RTN1: variants seen among roughly 807,000 people sequenced by gnomAD.
The protein encoded by RTN1 is reticulon-1.
Under a neutral mutation model 65.5 loss-of-function variants are expected in RTN1, and 25 were observed. That is an observed-to-expected ratio of 0.38 (90% CI 0.28 to 0.53). The LOEUF is 0.53. RTN1 is among the 20% of genes least tolerant of loss of function. The pLI is 0.79. For missense variants in RTN1, 983 were observed against 1,025.4 expected (o/e 0.96, Z 0.57); for synonymous variants, 471 against 447.6 (o/e 1.05, Z -0.66).
chr14:59,729,549 G>A (rs946537342), intron 2 of RTN1, among the ~76,000 whole-genome samples: 5 of 152,192 alleles, frequency 3.3e-5, no homozygotes, highest in Admixed American at 1.3e-4. Context: ...GGAAAAGTGT[G>A]AAAGTTTCAC....
At chr14:59,787,286 G>A (rs1886266615) in intron 1 of RTN1, among the ~76,000 whole-genome samples, 1 of 152,174 alleles carries the variant, frequency 6.6e-6, no homozygotes, top group South Asian at 2.1e-4. Flanking sequence ...GGGCTCACTA[G>A]GGCTTGAATC....
intron 1 of RTN1, among the ~76,000 whole-genome samples, chr14:59,843,787 A>G (rs1887356818): frequency 6.6e-6 from 1 of 152,242 alleles, no homozygotes; most frequent in South Asian, 2.1e-4. Context: ...GAAAATGTTC[A>G]TAAATTATAC....
intron 3 of RTN1, among the ~76,000 whole-genome samples, chr14:59,716,627 A>G (rs1884539002): frequency 6.6e-6 from 1 of 152,176 alleles, no homozygotes; most frequent in African/African-American, 2.4e-5. Context: ...ATCTTCTTAT[A>G]TCATAATCCA....
chr14:59,658,652 A>C (rs1883176964), intron 3 of RTN1, among the ~76,000 whole-genome samples: 1 of 152,210 alleles, frequency 6.6e-6, no homozygotes, highest in Admixed American at 6.5e-5. Flanking sequence ...GGCCTGTTAG[A>C]AGGGAAGCTA....
Position 59,846,935 on chromosome 14 carries a change from A to G in RTN1, c.241+23455T>C, listed in dbSNP as rs370277192. Reference sequence around the variant, plus strand: ...CAAATGAAGAGCTCTGTACCCCTTCATCACCATTCTAGAAACCTAGTGTCT... The same window carrying G: ...CAAATGAAGAGCTCTGTACCCCTTCGTCACCATTCTAGAAACCTAGTGTCT... On this transcript the variant is annotated intron_variant, in intron 1 of 8. Transcript: ENST00000267484. The surrounding 1 kb of genome is among the most constrained non-coding windows in gnomAD (Gnocchi z 4.8). Among the ~76,000 whole-genome samples, 2 of 152,306 alleles carry G rather than the reference A, an allele frequency of 1.3e-5. No individual in the cohort carries two copies. The highest frequency in any genetic ancestry group is 3.9e-4 in the East Asian group (2 of 5,188).
chr14:59,641,028 A>G (rs1205743499), intron 3 of RTN1, among the ~76,000 whole-genome samples: 2 of 151,982 alleles, frequency 1.3e-5, no homozygotes, highest in Admixed American at 6.6e-5. Flanking sequence ...TGGTGCAATC[A>G]TGGCTCACTG....
chr14:59,686,047 G>A (rs1248110039), intron 3 of RTN1, among the ~76,000 whole-genome samples: 2 of 152,140 alleles, frequency 1.3e-5, no homozygotes, highest in East Asian at 3.9e-4. Context: ...TTTTGACAAA[G>A]GTGCCAGAAA....
At chr14:59,619,027 A>C (rs1882184747) in intron 3 of RTN1, among the ~76,000 whole-genome samples, 1 of 152,188 alleles carries the variant, frequency 6.6e-6, no homozygotes, top group South Asian at 2.1e-4. Flanking sequence ...GAGTTTAAGG[A>C]AGAGATAGTA....
chr14:59,679,938 A>G (rs1386048577), intron 3 of RTN1, among the ~76,000 whole-genome samples: 2 of 152,194 alleles, frequency 1.3e-5, no homozygotes, highest in Non-Finnish European at 2.9e-5. Context: ...AGAACTTCTT[A>G]AAAACCAGGT....
At chr14:59,750,346 A>ATATAT (rs376908813) in intron 1 of RTN1, among the ~76,000 whole-genome samples, 31,630 of 40,306 alleles carry the variant, frequency 0.78, 11,743 homozygotes, top group South Asian at 0.84. Context: ...TATATCTATA[A>ATATAT]TATATATTAT....
chr14:59,714,033 A>T (rs1884479165), intron 3 of RTN1, among the ~76,000 whole-genome samples: 1 of 152,190 alleles, frequency 6.6e-6, no homozygotes, highest in Non-Finnish European at 1.5e-5. Flanking sequence ...CAGGAGTTCC[A>T]GGCCAGCCTG....
At chr14:59,784,237 G>C (rs558281254) in intron 1 of RTN1, among the ~76,000 whole-genome samples, 5 of 151,978 alleles carry the variant, frequency 3.3e-5, no homozygotes, top group Non-Finnish European at 5.9e-5. Flanking sequence ...TTGGGAGTTC[G>C]AGACCAGCCT....
chr14:59,741,418 A>G (rs922214600), intron 2 of RTN1, among the ~76,000 whole-genome samples: 2 of 152,078 alleles, frequency 1.3e-5, no homozygotes, highest in African/African-American at 4.8e-5. Context: ...ACTACCTGAT[A>G]TTATATTATA....
At chr14:59,687,018 C>T (rs952638487) in intron 3 of RTN1, among the ~76,000 whole-genome samples, 1 of 152,198 alleles carries the variant, frequency 6.6e-6, no homozygotes, top group Admixed American at 6.5e-5. Context: ...GAAAGTGCCT[C>T]AGCAGGAGGT....
At chr14:59,626,198 T>C (rs1164249072) in intron 3 of RTN1, among the ~76,000 whole-genome samples, 3 of 152,220 alleles carry the variant, frequency 2.0e-5, no homozygotes, top group Non-Finnish European at 4.4e-5. Flanking sequence ...CTCGGTGTAT[T>C]CTGGAATGCT....
intron 3 of RTN1, among the ~76,000 whole-genome samples, chr14:59,654,612 T>C (rs1883086310): frequency 6.6e-6 from 1 of 151,134 alleles, no homozygotes; most frequent in Admixed American, 6.6e-5. Context: ...CAGCAACATA[T>C]AAAAAGGATA....
intron 1 of RTN1, among the ~76,000 whole-genome samples, chr14:59,792,360 C>CACACACACACACACACACACAA (rs2139589829): frequency 5.8e-4 from 2 of 3,424 alleles, no homozygotes; most frequent in East Asian, 0.015. Context: ...GAAAAGACTT[C>CACACACACACACACACACACAA]ACACACACAC....
intron 3 of RTN1, among the ~76,000 whole-genome samples, chr14:59,669,938 CAT>C (rs2140213857): frequency 6.6e-6 from 1 of 152,290 alleles, no homozygotes; most frequent in African/African-American, 2.4e-5. Context: ...CTTCTGTCTC[CAT>C]TTTTTTGCTC....
rs1385987555 is a variant in RTN1, at chr14:59,607,352, T to C, written c.1906A>G (p.Ile636Val). The change falls in exon 4 of 9, where the codon ATC becomes GTC. Residue 636 changes from isoleucine to valine, a missense_variant. Ile to Val is a conservative substitution (Grantham distance 29). This residue lies in a region of RTN1 where 165 missense variants were observed against 223.6 expected (regional missense o/e 0.74). Coordinates refer to ENST00000267484, the MANE Select transcript of RTN1 (RefSeq NM_021136.3). Reference sequence around the variant, plus strand: ...ACAGACTTGTAGATGCGGAAACTGATGGTGGCTGAGAGTGCGGCCAGGGCC... The same window carrying C: ...ACAGACTTGTAGATGCGGAAACTGACGGTGGCTGAGAGTGCGGCCAGGGCC... ...YLALAALSAT[I>V]SFRIYKSVLQ... The C allele has an allele frequency of 3.7e-6, 6 of 1,613,710 alleles. No individual in the cohort carries two copies. In the African/African-American group the frequency reaches 5.3e-5, roughly 14 times the overall value.
Sources: gnomAD v4.1 joint callset for allele counts (sites outside exome capture counted in the v4.1 genomes callset) on GRCh38, gnomAD v4.1.1 for gene constraint, gnomAD v4.1.1 regional missense constraint, Gnocchi (gnomAD v3.1) non-coding constraint, MANE v1.5 for transcripts, NCBI Gene and HGNC (gene_info 2026-07-23, HGNC 2026-07-21) for gene names.